Variants in ZFHX4 observed in about 807,000 individuals in gnomAD.
The protein encoded by ZFHX4 is zinc finger homeobox 4, also known as zinc finger homeobox protein 4.
In ZFHX4, 56 loss-of-function variants were observed where a neutral mutation model predicts 267.6. The ratio of observed to expected loss-of-function variants is 0.21; its 90% CI spans 0.17 to 0.26. ZFHX4 has a LOEUF of 0.26. ZFHX4 is among the 10% of genes least tolerant of loss of function. ZFHX4 has a pLI of 1.00. For missense variants in ZFHX4, 4,332 were observed against 4,420.0 expected (o/e 0.98, Z 0.56); for synonymous variants, 1,778 against 1,665.6 (o/e 1.07, Z -1.64).
Position 76,851,808 on chromosome 8 carries a change from T to C in ZFHX4, c.4887T>C (p.Ser1629=). Residue 1629 remains serine (S), a synonymous_variant, in exon 10 of 11, where the codon AGT becomes AGC. Coordinates refer to ENST00000651372, the MANE Select transcript of ZFHX4 (RefSeq NM_024721.5). ...TKARAAKLEP[S]GHVAGGHSIA... ...CTAGGGCTGCAAAGCTGGAGCCCAG[T>C]GGTCATGTGGCTGGTGGGCACAGCA... 6.2e-7 allele frequency: 1 copy of C among 1,613,932 alleles called. No individual in the cohort carries two copies. The highest frequency in any genetic ancestry group is 8.5e-7 in the Non-Finnish European group (1 of 1,179,864).
rs550133321 is a variant in ZFHX4, at chr8:76,848,567, A to G, written c.3512-428A>G. 3.3e-5 allele frequency among the ~76,000 whole-genome samples: 5 copies of G among 152,326 alleles called. No homozygotes were observed. The East Asian group carries it at 9.6e-4, about 29-fold the overall frequency. On this transcript the variant is annotated intron_variant, in intron 6 of 10. Transcript: ENST00000651372. ...TTGAGTTTCTGAATTATAACCAGTC[A>G]GCCCTTCTCAGAACGTTGAAATATT...
intron 3 of ZFHX4, among the ~76,000 whole-genome samples, chr8:76,733,855 G>A (rs565027664): frequency 6.6e-6 from 1 of 152,112 alleles, no homozygotes; most frequent in Non-Finnish European, 1.5e-5. Flanking sequence ...GCCGATGCCA[G>A]ATGATGTATC....
rs1812615408 is a variant in ZFHX4 at position 76,853,723 on chromosome 8, C to T, written c.6802C>T (p.Arg2268Trp). 2 of 1,613,480 alleles carry T rather than the reference C, an allele frequency of 1.2e-6. No individual in the cohort carries two copies. The highest frequency in any genetic ancestry group is 1.3e-5 in the African/African-American group (1 of 74,838). The change falls in exon 10 of 11, where the codon CGG (arginine) becomes TGG (tryptophan). Residue 2268 changes from arginine to tryptophan, a missense_variant. Around this residue, in one of 7 missense-constraint regions of ZFHX4, gnomAD observed 62 missense variants for 69.8 expected, o/e 0.89. Transcript: ENST00000651372. ...QLSTVLNLPT[R>W]VIVVWFQNAR... ...CTCCACTGTTCTCAATCTGCCTACC[C>T]GGGTTATTGTTGTATGGTTCCAGAA...
intron 4 of ZFHX4, among the ~76,000 whole-genome samples, chr8:76,813,630 A>G (rs1163757378): frequency 6.6e-6 from 1 of 152,152 alleles, no homozygotes; most frequent in South Asian, 2.1e-4. Context: ...CCTTTTTGAA[A>G]GTATTTTTTG....
intron 3 of ZFHX4, among the ~76,000 whole-genome samples, chr8:76,741,102 G>C (rs1809304054): frequency 6.6e-6 from 1 of 152,168 alleles, no homozygotes; most frequent in Non-Finnish European, 1.5e-5. Flanking sequence ...AAAATTACAA[G>C]AGTAGAGGAT....
rs550732359 is a variant in ZFHX4 at position 76,762,627 on chromosome 8, C to T, written c.3094-15581C>T. On this transcript the variant is annotated intron_variant, in intron 3 of 10. Transcript: ENST00000651372. Reference sequence around the variant, plus strand: ...AATTTTTTAAAATTACCAATTATTACACTACTCGTCACAGTTCAAATAAAT... The same window carrying T: ...AATTTTTTAAAATTACCAATTATTATACTACTCGTCACAGTTCAAATAAAT... Among the ~76,000 whole-genome samples the T allele has an allele frequency of 9.2e-5, 14 of 152,262 alleles. 1 individual carries two copies. In the South Asian group the frequency reaches 2.9e-3, roughly 32 times the overall value.
intron 4 of ZFHX4, among the ~76,000 whole-genome samples, chr8:76,795,836 C>T (rs1160861079): frequency 6.6e-6 from 1 of 152,112 alleles, no homozygotes; most frequent in African/African-American, 2.4e-5. Flanking sequence ...GTTGCCACAG[C>T]TTATTGAATA....
rs758321344 is a variant in ZFHX4, at chr8:76,851,786, G to A, written c.4865G>A (p.Arg1622Lys). Residue 1622 changes from arginine (R) to lysine (K), a missense_variant, in exon 10 of 11, where the codon AGG becomes AAG. Transcript: ENST00000651372. ...TCTGTGCTCCACCAGACAAAGGCTA[G>A]GGCTGCAAAGCTGGAGCCCAGTGGT... ...MRSVLHQTKARAAKLEPSGHV... is the reference protein window; with the variant it reads ...MRSVLHQTKAKAAKLEPSGHV... 1.9e-6 allele frequency: 3 copies of A among 1,613,944 alleles called. No individual in the cohort carries two copies. The highest frequency in any genetic ancestry group is 2.5e-6 in the Non-Finnish European group (3 of 1,179,876).
intron 4 of ZFHX4, among the ~76,000 whole-genome samples, chr8:76,831,748 G>A (rs569774506): frequency 3.9e-5 from 6 of 152,214 alleles, no homozygotes; most frequent in South Asian, 2.1e-4. Context: ...GAGGTTTCAC[G>A]TGCTTTTGGT....
chr8:76,770,355 T>C (rs1810231132), intron 3 of ZFHX4, among the ~76,000 whole-genome samples: 1 of 152,140 alleles, frequency 6.6e-6, no homozygotes, highest in Non-Finnish European at 1.5e-5. Context: ...CTTCTTCCTA[T>C]TGCTCTCCAC....
chr8:76,836,739 A>G (rs975349195), intron 5 of ZFHX4, among the ~76,000 whole-genome samples: 7 of 151,992 alleles, frequency 4.6e-5, no homozygotes, highest in Non-Finnish European at 8.8e-5. Context: ...AGAAGAATGG[A>G]TTGATTTTAT....
At chr8:76,770,475 C>T (rs1241013418) in intron 3 of ZFHX4, among the ~76,000 whole-genome samples, 2 of 152,124 alleles carry the variant, frequency 1.3e-5, no homozygotes, top group East Asian at 3.9e-4. Flanking sequence ...TACCTCTTCA[C>T]TATTATTCTT....
At chr8:76,834,893 C>A (rs185720907) in intron 5 of ZFHX4, among the ~76,000 whole-genome samples, 2 of 151,118 alleles carry the variant, frequency 1.3e-5, no homozygotes, top group Admixed American at 6.6e-5. Flanking sequence ...GCAGTTAGGT[C>A]TGTAACCCAT....
rs1183735569 is a variant in ZFHX4 at position 76,855,921 on chromosome 8, C to T, written c.9000C>T (p.Gly3000=). The T allele has an allele frequency of 1.9e-6, 3 of 1,613,650 alleles. No individual in the cohort carries two copies. Among genetic ancestry groups the T allele is most frequent in the Non-Finnish European group, 2.5e-6 (3 of 1,179,832 alleles). ...NIGKPFMINQ[G]GTEGTKPECT... ...GGAAGCCTTTCATGATCAATCAAGGCGGAACGGAAGGCACCAAACCAGAGT... is the reference window on the plus strand; with the variant it reads ...GGAAGCCTTTCATGATCAATCAAGGTGGAACGGAAGGCACCAAACCAGAGT... Residue 3000 remains glycine, a synonymous_variant, in exon 10 of 11, where the codon GGC becomes GGT. Coordinates refer to ENST00000651372, the MANE Select transcript of ZFHX4 (RefSeq NM_024721.5).
intron 1 of ZFHX4, among the ~76,000 whole-genome samples, chr8:76,687,890 G>T (rs1807731246): frequency 6.6e-6 from 1 of 152,084 alleles, no homozygotes; most frequent in Non-Finnish European, 1.5e-5. Flanking sequence ...GGTCCTGAAT[G>T]GCTGACTGAA....
At chr8:76,707,051 C>G (rs973387242) in intron 2 of ZFHX4, among the ~76,000 whole-genome samples, 2 of 152,108 alleles carry the variant, frequency 1.3e-5, no homozygotes, top group Non-Finnish European at 2.9e-5. Context: ...AAGGGTATAG[C>G]ATTATTTTGA....
chr8:76,709,783 G>A (rs1027414269), intron 3 of ZFHX4, among the ~76,000 whole-genome samples: 2 of 142,062 alleles, frequency 1.4e-5, no homozygotes, highest in South Asian at 2.2e-4. Context: ...GTATGTGTGC[G>A]TGTGTGTGCG....
rs199866412 is a variant in ZFHX4, at chr8:76,864,546, T to C, written c.10832T>C (p.Met3611Thr). 60 of 1,608,658 alleles carry C rather than the reference T, an allele frequency of 3.7e-5. No homozygotes were observed. The highest frequency in any genetic ancestry group is 4.5e-5 in the Non-Finnish European group (53 of 1,177,438). Residue 3611 changes from methionine to threonine, a missense_variant, in exon 11 of 11, where the codon ATG becomes ACG. Met to Thr is a moderately conservative substitution (Grantham distance 81). Coordinates refer to ENST00000651372, the MANE Select transcript of ZFHX4 (RefSeq NM_024721.5). The stretch of plus-strand genomic sequence containing the variant: ...GATGGTAATTTCAATAGCATCCGAA[T>C]GGATATGTTCAGTGTGTAGGAGTGA... ...GLDGNFNSIR[M>T]DMFSV
Position 76,745,117 on chromosome 8 carries a change from T to C in ZFHX4, c.3094-33091T>C, listed in dbSNP as rs533336131. Among the ~76,000 whole-genome samples the C allele has an allele frequency of 5.3e-5, 8 of 152,236 alleles. No homozygotes were observed. The East Asian group carries it at 1.5e-3, about 29-fold the overall frequency. On this transcript the variant is annotated intron_variant, in intron 3 of 10. Coordinates refer to ENST00000651372, the MANE Select transcript of ZFHX4 (RefSeq NM_024721.5). ...TCCTCTTCCACTAAAAAACATACTT[T>C]CATCCTATAAAACCCGGTTTAAAAA...
Sources: gnomAD v4.1 joint callset for allele counts (sites outside exome capture counted in the v4.1 genomes callset) on GRCh38, gnomAD v4.1.1 for gene constraint, gnomAD v4.1.1 regional missense constraint, MANE v1.5 for transcripts, NCBI Gene and HGNC (gene_info 2026-07-23, HGNC 2026-07-21) for gene names.